OR4K1: variants seen among roughly 807,000 people sequenced by gnomAD.
The protein encoded by OR4K1 is olfactory receptor family 4 subfamily K member 1, also known as olfactory receptor 4K1.
Under a neutral mutation model 14.4 loss-of-function variants are expected in OR4K1, and 16 were observed. The ratio of observed to expected loss-of-function variants is 1.11; its 90% CI spans 0.75 to 1.68. The LOEUF (loss-of-function observed/expected upper bound fraction) is 1.68. OR4K1 is among the 40% of genes most tolerant of loss of function. OR4K1 has a pLI of 0.00. For missense variants in OR4K1, 548 were observed against 376.9 expected (o/e 1.45, Z -3.76); for synonymous variants, 181 against 133.1 (o/e 1.36, Z -2.48).
chr14:19,927,173 A>G (rs1882079086), upstream of OR4K1, among the ~76,000 whole-genome samples: 1 of 152,208 alleles, frequency 6.6e-6, no homozygotes, highest in South Asian at 2.1e-4. Flanking sequence ...GCATTAATAT[A>G]TTTTCTTAAG....
chr14:19,929,402 T>C (rs1168993092), upstream of OR4K1, among the ~76,000 whole-genome samples: 1 of 126,058 alleles, frequency 7.9e-6, no homozygotes, highest in Non-Finnish European at 1.7e-5. Flanking sequence ...TGTGTGTGTG[T>C]GTGCGTATGG....
chr14:19,932,365 T>TCTCTTCTCCCTCTTTCTCCCC (rs1434422749), intron 1 of OR4K1, among the ~76,000 whole-genome samples: 31 of 152,226 alleles, frequency 2.0e-4, no homozygotes, highest in African/African-American at 7.5e-4. Context: ...TCTTGCTCCT[T>TCTCTTCTCCCTCTTTCTCCCC]CTCTTCTCCC....
rs368448991 is a variant in OR4K1, at chr14:19,936,068, A to G, written c.402A>G (p.Thr134=). The change falls in exon 2 of 2, where the codon ACA becomes ACG. Residue 134 remains threonine, a synonymous_variant. Transcript: ENST00000641172. ...TATGTAAGCCTCTGCACTACAGTAC[A>G]ATTATGAACCGGAGGCTCTGTGTAA... ...IAICKPLHYS[T]IMNRRLCVIF... 3 of 1,614,252 alleles carry G rather than the reference A, an allele frequency of 1.9e-6. No individual in the cohort carries two copies. The highest frequency in any genetic ancestry group is 2.5e-6 in the Non-Finnish European group (3 of 1,180,044).
the OR4K1 span, among the ~76,000 whole-genome samples, chr14:19,925,379 T>G: frequency 5.9e-5 from 9 of 152,364 alleles, no homozygotes; most frequent in South Asian, 1.9e-3. Flanking sequence ...AAAAACTACC[T>G]TTTTGGTTCA....
At chr14:19,929,633 A>G (rs75889650), upstream of OR4K1, among the ~76,000 whole-genome samples, 333 of 152,294 alleles carry the variant, frequency 2.2e-3, 1 homozygote, top group Non-Finnish European at 3.7e-3. Flanking sequence ...CCTGAGCAAA[A>G]TGGAATTATT....
At chr14:19,928,531 C>T (rs569742630), upstream of OR4K1, among the ~76,000 whole-genome samples, 32 of 152,040 alleles carry the variant, frequency 2.1e-4, no homozygotes, top group African/African-American at 7.5e-4. Flanking sequence ...TTTTAAAATT[C>T]CTATTTGTTT....
upstream of OR4K1, among the ~76,000 whole-genome samples, chr14:19,930,506 A>T (rs2138589566): frequency 6.6e-6 from 1 of 152,368 alleles, no homozygotes; most frequent in East Asian, 1.9e-4. Context: ...TACAAATGGT[A>T]GAAACAGTGG....
upstream of OR4K1, among the ~76,000 whole-genome samples, chr14:19,927,289 A>T (rs1882081602): frequency 6.6e-6 from 1 of 152,232 alleles, no homozygotes. Context: ...CACTCAGATG[A>T]CCTTCATGGA....
chr14:19,935,071 T>C (rs1215539679), intron 1 of OR4K1, among the ~76,000 whole-genome samples: 3 of 152,370 alleles, frequency 2.0e-5, no homozygotes, highest in East Asian at 1.9e-4. Context: ...TTGCTCCTGA[T>C]CTACCATTCG....
intron 1 of OR4K1, among the ~76,000 whole-genome samples, chr14:19,932,209 A>G (rs1329652771): frequency 1.3e-5 from 2 of 152,256 alleles, no homozygotes; most frequent in Admixed American, 6.5e-5. Context: ...TTTCAAAAGT[A>G]TATTTTTCAA....
intron 1 of OR4K1, among the ~76,000 whole-genome samples, chr14:19,932,266 A>G (rs1289878589): frequency 6.6e-6 from 1 of 152,194 alleles, no homozygotes; most frequent in Non-Finnish European, 1.5e-5. Flanking sequence ...AACATTATTT[A>G]ACAATTTTTT....
chr14:19,931,883 A>G (rs902261699), intron 1 of OR4K1, among the ~76,000 whole-genome samples: 1 of 152,266 alleles, frequency 6.6e-6, no homozygotes, highest in Admixed American at 6.5e-5. Context: ...ATGTGTTTCC[A>G]TAACTGCCTC....
upstream of OR4K1, among the ~76,000 whole-genome samples, chr14:19,926,961 G>A (rs893341680): frequency 3.3e-5 from 5 of 152,230 alleles, no homozygotes; most frequent in African/African-American, 1.2e-4. Flanking sequence ...CCTGACCATT[G>A]ATTTCCAAGT....
In OR4K1 at chr14:19,936,524, C is replaced by A; in HGVS notation, c.858C>A (p.Ile286=). The A allele has an allele frequency of 6.2e-7, 1 of 1,613,600 alleles. No individual in the cohort carries two copies. The highest frequency in any genetic ancestry group is 1.3e-5 in the African/African-American group (1 of 75,032). Residue 286 remains isoleucine (I), a synonymous_variant, in exon 2 of 2, where the codon ATC becomes ATA. Transcript: ENST00000641172. The part of the protein sequence containing the change: ...TVCTPLLNPI[I]YSLRNEDVKA... ...GTACTCCCTTGTTGAACCCCATCATCTACTCTCTGAGGAATGAAGATGTTA... is the reference window on the plus strand; with the variant it reads ...GTACTCCCTTGTTGAACCCCATCATATACTCTCTGAGGAATGAAGATGTTA...
the OR4K1 span, among the ~76,000 whole-genome samples, chr14:19,924,400 CAAAAAAAAAAAAAA>C: frequency 4.3e-4 from 34 of 79,260 alleles, no homozygotes; most frequent in Non-Finnish European, 2.1e-4. Context: ...AACTCCGTAT[CAAAAAAAAAAAAAA>C]AAAAAAAAAA....
At chr14:19,932,784 A>G (rs10137369) in intron 1 of OR4K1, among the ~76,000 whole-genome samples, 124,462 of 151,808 alleles carry the variant, frequency 0.82, 50,258 homozygotes, top group East Asian at 0.97. Context: ...ACTTTGTAAG[A>G]TTATTTTGAG....
chr14:19,921,459 A>G, the OR4K1 span: 2 of 1,614,066 alleles, frequency 1.2e-6, no homozygotes, highest in Non-Finnish European at 8.5e-7. Flanking sequence ...CCTAAACCCC[A>G]TTATTTATAC....
chr14:19,929,274 G>T (rs983459212), upstream of OR4K1, among the ~76,000 whole-genome samples: 4 of 147,454 alleles, frequency 2.7e-5, no homozygotes, highest in African/African-American at 9.9e-5. Context: ...TATATTTCTG[G>T]ATACTATTCT....
rs1160415042 is a variant in OR4K1, at chr14:19,935,770, A to G, written c.104A>G (p.Tyr35Cys). The G allele has an allele frequency of 6.2e-6, 10 of 1,614,000 alleles. No individual in the cohort carries two copies. The highest frequency in any genetic ancestry group is 1.3e-5 in the African/African-American group (1 of 74,922). ...TTTTTTGCCATCTTCTCTATAGTCT[A>G]TGTGACATCAGTGCTAGGCAATGTC... ...LFFFAIFSIV[Y>C]VTSVLGNVLI... Residue 35 changes from tyrosine to cysteine, a missense_variant, in exon 2 of 2, where the codon TAT (tyrosine) becomes TGT (cysteine). Tyr to Cys is a radical substitution (Grantham distance 194, BLOSUM62 -2). Transcript: ENST00000641172.
Sources: gnomAD v4.1 joint callset for allele counts (sites outside exome capture counted in the v4.1 genomes callset) on GRCh38, gnomAD v4.1.1 for gene constraint, MANE v1.5 for transcripts, NCBI Gene and HGNC (gene_info 2026-07-23, HGNC 2026-07-21) for gene names.